Variants in PPARGC1B observed in about 807,000 individuals in gnomAD.
PPARGC1B encodes the protein peroxisome proliferator-activated receptor gamma coactivator 1-beta.
In PPARGC1B, 34 loss-of-function variants were observed where a neutral mutation model predicts 101.6. The observed-to-expected ratio is 0.33, with a 90% CI of 0.25 to 0.45. The LOEUF (loss-of-function observed/expected upper bound fraction) is 0.45, where lower values mean the gene tolerates loss of function less well. Ranked by LOEUF, PPARGC1B falls within the 20% of genes least tolerant of loss-of-function variation. The pLI is 1.00. For missense variants in PPARGC1B, 1,234 were observed against 1,317.6 expected, an observed-to-expected ratio of 0.94 and a Z score of 0.98; for synonymous variants, 548 against 539.3, an observed-to-expected ratio of 1.02 and a Z score of -0.22.
At chr5:149,783,389 G>A (rs1156809510) in intron 1 of PPARGC1B, among the ~76,000 whole-genome samples, 2 of 152,186 alleles carry the variant, frequency 1.3e-5, no homozygotes, top group Admixed American at 6.5e-5. Flanking sequence ...TCATGACCTT[G>A]GGGGATTCTT....
intron 1 of PPARGC1B, among the ~76,000 whole-genome samples, chr5:149,777,784 AACAC>A (rs4039101): frequency 0.23 from 21,116 of 90,688 alleles, 2,506 homozygotes; most frequent in Middle Eastern, 0.35. Context: ...CTGTCTTTGT[AACAC>A]ACACACACAC....
At chr5:149,744,310 A>G (rs1342468494) in intron 1 of PPARGC1B, among the ~76,000 whole-genome samples, 2 of 152,188 alleles carry the variant, frequency 1.3e-5, no homozygotes, top group East Asian at 3.9e-4. Flanking sequence ...GAAGCAGCAC[A>G]TTGGTTCTGT....
chr5:149,803,595 C>T (rs1352350683), intron 1 of PPARGC1B, among the ~76,000 whole-genome samples: 1 of 152,156 alleles, frequency 6.6e-6, no homozygotes, highest in East Asian at 1.9e-4. Flanking sequence ...CTGCCTGTTT[C>T]TCTTAGTCCT....
intron 1 of PPARGC1B, among the ~76,000 whole-genome samples, chr5:149,784,583 T>C (rs1335761034): frequency 9.2e-5 from 10 of 108,500 alleles, no homozygotes; most frequent in Admixed American, 1.9e-4. Flanking sequence ...TTTTTTTTTT[T>C]CTGAGGTGGA....
At chr5:149,731,558 G>C (rs1475871346) in intron 1 of PPARGC1B, among the ~76,000 whole-genome samples, 4 of 151,978 alleles carry the variant, frequency 2.6e-5, no homozygotes. Context: ...TTGGTACCTG[G>C]AGTGGGAGCG....
chr5:149,839,924 G>T, intron 8 of PPARGC1B, 117 bp from the exon 9 acceptor site: 4 of 1,024,108 alleles, frequency 3.9e-6, no homozygotes, highest in Non-Finnish European at 4.5e-6. Flanking sequence ...AGTTCCAGCT[G>T]TGTGCCCTCG....
intron 4 of PPARGC1B, 42 bp downstream of exon 4, chr5:149,830,925 T>C: frequency 1.4e-6 from 2 of 1,392,654 alleles, no homozygotes; most frequent in Non-Finnish European, 1.0e-6. Context: ...AGGTGTCTGT[T>C]GGGGCTGCAG....
Position 149,822,070 on chromosome 5 carries a change from C to T in PPARGC1B, c.252+1464C>T, listed in dbSNP as rs188194883. Among the ~76,000 whole-genome samples the T allele has an allele frequency of 4.6e-5, 7 of 152,326 alleles. No individual in the cohort carries two copies. The East Asian group carries it at 1.3e-3, about 29-fold the overall frequency. On this transcript the variant is annotated intron_variant, in intron 2 of 11. Coordinates refer to ENST00000309241, the MANE Select transcript of PPARGC1B (RefSeq NM_133263.4). Reference sequence around the variant, plus strand: ...AACCAAACTGTAGTTCTGGCTCCAACCGGAGACCTCCATTTTCTTGCTTGA... The same window carrying T: ...AACCAAACTGTAGTTCTGGCTCCAATCGGAGACCTCCATTTTCTTGCTTGA...
At chr5:149,842,803 T>G (rs1315931278) in intron 10 of PPARGC1B, among the ~76,000 whole-genome samples, 2 of 152,204 alleles carry the variant, frequency 1.3e-5, no homozygotes. Flanking sequence ...CTTGAAGACT[T>G]GCACTGGGAC....
intron 1 of PPARGC1B, among the ~76,000 whole-genome samples, chr5:149,780,993 C>T (rs1277173087): frequency 6.6e-6 from 1 of 152,154 alleles, no homozygotes; most frequent in Non-Finnish European, 1.5e-5. Flanking sequence ...CGCCTGAGGT[C>T]AGGAGTTTGA....
At chr5:149,777,160 G>A (rs1214051515) in intron 1 of PPARGC1B, among the ~76,000 whole-genome samples, 1 of 152,182 alleles carries the variant, frequency 6.6e-6, no homozygotes, top group African/African-American at 2.4e-5. Flanking sequence ...AGGCAGTTTT[G>A]TGGCTTTTTT....
intron 1 of PPARGC1B, among the ~76,000 whole-genome samples, chr5:149,785,531 CT>C (rs2113237341): frequency 1.3e-5 from 2 of 152,372 alleles, no homozygotes; most frequent in South Asian, 4.1e-4. Context: ...TCTCATAAAT[CT>C]TTATCATTAA....
At position 149,836,737 on chromosome 5, in the gene PPARGC1B, G is replaced by A. The variant is rs755486310; in HGVS notation, c.2282G>A (p.Arg761His). The A allele has an allele frequency of 2.5e-6, 4 of 1,613,556 alleles. No homozygotes were observed. Among genetic ancestry groups the A allele is most frequent in the Admixed American group, 1.7e-5 (1 of 60,004 alleles). Residue 761 changes from arginine (R) to histidine (H), a missense_variant, in exon 8 of 12, where the codon CGT (arginine) becomes CAT (histidine). Coordinates refer to ENST00000309241, the MANE Select transcript of PPARGC1B (RefSeq NM_133263.4). ...ACGCTGCTGAGAGACCATGAGATCC[G>A]TGCCAGCCTCACCAAACACTTTGGG... ...DSTLLRDHEI[R>H]ASLTKHFGLL... is the part of the protein sequence containing the mutation.
chr5:149,741,626 CTTT>C (rs11332172), intron 1 of PPARGC1B, among the ~76,000 whole-genome samples: 4 of 139,452 alleles, frequency 2.9e-5, no homozygotes, highest in Non-Finnish European at 3.1e-5. Context: ...CCAAAATATT[CTTT>C]TTTTTTTTTT....
intron 1 of PPARGC1B, among the ~76,000 whole-genome samples, chr5:149,784,697 A>C (rs1756733084): frequency 6.6e-6 from 1 of 150,860 alleles, no homozygotes; most frequent in African/African-American, 2.4e-5. Flanking sequence ...CCTCCCGAGT[A>C]GCTGGGACTA....
intron 1 of PPARGC1B, among the ~76,000 whole-genome samples, chr5:149,753,299 CG>C (rs1755384949): frequency 6.6e-6 from 1 of 151,920 alleles, no homozygotes; most frequent in East Asian, 1.9e-4. Flanking sequence ...CTCTGCCTCC[CG>C]GGTTCAAGCG....
At chr5:149,829,914 A>G (rs1370196882) in intron 3 of PPARGC1B, among the ~76,000 whole-genome samples, 1 of 151,552 alleles carries the variant, frequency 6.6e-6, no homozygotes, top group African/African-American at 2.4e-5. Flanking sequence ...AGACGCCTGT[A>G]ATCCCAGCTA....
intron 1 of PPARGC1B, 30 bp from the exon 2 acceptor site, chr5:149,820,403 G>T: frequency 6.2e-7 from 1 of 1,607,090 alleles, no homozygotes; most frequent in South Asian, 1.1e-5. Flanking sequence ...CCTCAGCTCT[G>T]ATCCACCTCT....
intron 1 of PPARGC1B, among the ~76,000 whole-genome samples, chr5:149,809,440 CATA>C (rs1757752286): frequency 3.6e-5 from 3 of 82,894 alleles, no homozygotes; most frequent in Admixed American, 2.8e-4. Flanking sequence ...CCATCTCTAC[CATA>C]GATAGATAGA....
Sources: gnomAD v4.1 joint callset for allele counts (sites outside exome capture counted in the v4.1 genomes callset) on GRCh38, gnomAD v4.1.1 for gene constraint, MANE v1.5 for transcripts, NCBI Gene and HGNC (gene_info 2026-07-23, HGNC 2026-07-21) for gene names.